The following SVIL variants were observed in gnomAD, a reference collection of about 807,000 sequenced individuals.
SVIL encodes supervillin, also known as archvillin.
Under a neutral mutation model 240.4 loss-of-function variants are expected in SVIL, and 101 were observed. The ratio of observed to expected loss-of-function variants is 0.42; its 90% confidence interval spans 0.36 to 0.50. The LOEUF is 0.50. SVIL is among the 20% of genes least tolerant of loss of function. SVIL has a pLI of 0.01. For synonymous variants in SVIL, 999 were observed against 1,100.0 expected, an observed-to-expected ratio of 0.91 and a Z score of 1.82; for missense variants, 2,512 against 2,818.7, an observed-to-expected ratio of 0.89 and a Z score of 2.46.
chr10:29,537,802 C>G (rs560931698), intron 6 of SVIL, among the ~76,000 whole-genome samples: 2 of 152,346 alleles, frequency 1.3e-5, no homozygotes, highest in East Asian at 3.9e-4. Flanking sequence ...ACCTCTATCT[C>G]GGTCTAGGCT....
In SVIL at chr10:29,481,642, T is replaced by C. The variant is rs1250477285; in HGVS notation, c.5042A>G (p.Asp1681Gly). Residue 1681 changes from aspartate (D) to glycine (G), a missense_variant, in exon 28 of 38, where the codon GAT (aspartate) becomes GGT (glycine). This residue lies in a region of SVIL where 797 missense variants were observed against 925.3 expected (regional missense o/e 0.86). Coordinates refer to ENST00000355867, the MANE Select transcript of SVIL (RefSeq NM_021738.3). ...ATTCGATCTCTTCAGTTCCGTCCAA[T>C]CCAGAAACTTCTCTTTGAACAAAAT... is the stretch of plus-strand genomic sequence containing the variant. The part of the protein sequence containing the change: ...ETILFKEKFL[D>G]WTELKRSNEK... 2 of 1,613,956 alleles carry C rather than the reference T, an allele frequency of 1.2e-6. No individual in the cohort carries two copies. The highest frequency in any genetic ancestry group is 2.2e-5 in the South Asian group (2 of 91,068).
At chr10:29,612,400 T>A (rs1265572851) in intron 1 of SVIL, among the ~76,000 whole-genome samples, 2 of 152,200 alleles carry the variant, frequency 1.3e-5, no homozygotes, top group Non-Finnish European at 2.9e-5. Context: ...ATTCTTTACA[T>A]CATCCATGGT....
intron 6 of SVIL, among the ~76,000 whole-genome samples, chr10:29,546,566 C>T (rs1952707158): frequency 8.1e-6 from 1 of 123,116 alleles, no homozygotes; most frequent in Non-Finnish European, 1.8e-5. Context: ...GTTATTTTGC[C>T]TATAATGCTA....
intron 1 of SVIL, among the ~76,000 whole-genome samples, chr10:29,590,797 G>A (rs186021648): frequency 5.6e-4 from 86 of 152,252 alleles, no homozygotes; most frequent in Non-Finnish European, 9.8e-4. Context: ...AAGAGTATCA[G>A]TTGAAGTACT....
chr10:29,464,051 C>T (rs145549487), intron 34 of SVIL, among the ~76,000 whole-genome samples: 90 of 152,370 alleles, frequency 5.9e-4, no homozygotes, highest in African/African-American at 2.1e-3. Context: ...GCACATCTCA[C>T]TGCAGACAGG....
Position 29,506,635 on chromosome 10 carries a change from A to AC in SVIL, c.3516+6099_3516+6100insG, listed in dbSNP as rs1173878092. ...CCTAGAGGGAGGGGACAGAGGCCCT[A>AC]GAGGGAGGGGACAGAGGCCCTGGAG... On this transcript the variant is annotated intron_variant, in intron 17 of 37. Transcript: ENST00000355867. 3.7e-5 allele frequency among the ~76,000 whole-genome samples: 5 copies of AC among 136,380 alleles called. No homozygotes were observed. In the East Asian group the frequency reaches 1.0e-3, roughly 28 times the overall value. The allele number at this position is 136,380 out of a possible 152,430, so 89.5% of individuals were successfully genotyped here. A position where few individuals can be genotyped will look rare whatever the true frequency, so the allele number is the denominator to read the frequency against.
At chr10:29,610,567 T>C (rs1335918504) in intron 1 of SVIL, among the ~76,000 whole-genome samples, 1 of 151,546 alleles carries the variant, frequency 6.6e-6, no homozygotes, top group African/African-American at 2.4e-5. Context: ...TCTCCAGGCA[T>C]GCTCCACTAT....
chr10:29,624,987 T>G (rs576636235), intron 1 of SVIL, among the ~76,000 whole-genome samples: 2 of 152,106 alleles, frequency 1.3e-5, no homozygotes, highest in Admixed American at 1.3e-4. Context: ...AGTACTAACA[T>G]AAAGGTAGGC....
At chr10:29,697,519 C>A (rs1397843464) in intron 1 of SVIL, among the ~76,000 whole-genome samples, 2 of 88,616 alleles carry the variant, frequency 2.3e-5, no homozygotes, top group Non-Finnish European at 4.2e-5. Context: ...GACCTTACCC[C>A]CAACCCTGTG....
At chr10:29,465,315 C>A (rs1285539523) in intron 34 of SVIL, among the ~76,000 whole-genome samples, 1 of 152,170 alleles carries the variant, frequency 6.6e-6, no homozygotes, top group Non-Finnish European at 1.5e-5. Flanking sequence ...GCGGAGACGC[C>A]AGGCCTGCCG....
chr10:29,689,348 G>T (rs929600248), intron 1 of SVIL, among the ~76,000 whole-genome samples: 8 of 151,940 alleles, frequency 5.3e-5, no homozygotes, highest in Non-Finnish European at 8.8e-5. Flanking sequence ...GCCCTGGCGC[G>T]ATCTCAGCTC....
intron 2 of SVIL, among the ~76,000 whole-genome samples, chr10:29,684,681 G>C (rs1960924671): frequency 2.0e-5 from 3 of 152,126 alleles, no homozygotes; most frequent in Non-Finnish European, 4.4e-5. Flanking sequence ...GTTAAAAGGT[G>C]CTAGACTCTC....
Position 29,530,686 on chromosome 10 carries a change from T to C in SVIL, c.2045-18A>G, listed in dbSNP as rs1160778203. ...TTCTTCATCTGCAAAAAGCCACAAA[T>C]TAAAAACTGGACATCATTAGAGAAG... On this transcript the variant is annotated intron_variant, in intron 10 of 37. Coordinates refer to ENST00000355867, the MANE Select transcript of SVIL (RefSeq NM_021738.3). 4 of 1,613,976 alleles carry C rather than the reference T, an allele frequency of 2.5e-6. No homozygotes were observed. Among genetic ancestry groups the C allele is most frequent in the Admixed American group, 3.3e-5 (2 of 60,020 alleles).
intron 1 of SVIL, among the ~76,000 whole-genome samples, chr10:29,614,612 G>A (rs1271839900): frequency 1.3e-5 from 2 of 152,140 alleles, no homozygotes; most frequent in Non-Finnish European, 2.9e-5. Flanking sequence ...GCTGAACAAT[G>A]AGAACACATG....
intron 1 of SVIL, among the ~76,000 whole-genome samples, chr10:29,612,254 A>T (rs970460724): frequency 6.6e-6 from 1 of 152,232 alleles, no homozygotes; most frequent in East Asian, 1.9e-4. Context: ...GATCCTCAAC[A>T]GCCAACAGAG....
In SVIL at chr10:29,532,917, T is replaced by G. The variant is rs1197417908; in HGVS notation, c.1450A>C (p.Thr484Pro). 2 of 1,614,122 alleles carry G rather than the reference T, an allele frequency of 1.2e-6. No homozygotes were observed. The highest frequency in any genetic ancestry group is 1.7e-6 in the Non-Finnish European group (2 of 1,180,018). The change falls in exon 8 of 38, where the codon ACA becomes CCA. Residue 484 changes from threonine to proline, a missense_variant. Thr to Pro is a conservative substitution (Grantham distance 38). Transcript: ENST00000355867. ...TCCTTCTGATGCTCTAAGGTGACTGTGCTCACAGCAGGCTTACCAAAGTCC... is the reference window on the plus strand; with the variant it reads ...TCCTTCTGATGCTCTAAGGTGACTGGGCTCACAGCAGGCTTACCAAAGTCC... ...NEDFGKPAVS[T>P]VTLEHQKELE...
At chr10:29,698,987 T>C (rs534516661) in intron 1 of SVIL, among the ~76,000 whole-genome samples, 1 of 152,326 alleles carries the variant, frequency 6.6e-6, no homozygotes, top group Admixed American at 6.5e-5. Context: ...CGAATGACAC[T>C]ATAAAACTGT....
chr10:29,596,014 C>T (rs2505926), intron 1 of SVIL, among the ~76,000 whole-genome samples: 2 of 152,074 alleles, frequency 1.3e-5, no homozygotes, highest in Non-Finnish European at 2.9e-5. Flanking sequence ...AATGTCTTTA[C>T]AGTCATGCAT....
chr10:29,591,748 T>C (rs931338828), intron 1 of SVIL, among the ~76,000 whole-genome samples: 2 of 152,194 alleles, frequency 1.3e-5, no homozygotes, highest in African/African-American at 4.8e-5. Context: ...CAGACAGAAC[T>C]CATGCCAGCT....
Sources: gnomAD v4.1 joint callset for allele counts (sites outside exome capture counted in the v4.1 genomes callset) on GRCh38, gnomAD v4.1.1 for gene constraint, gnomAD v4.1.1 regional missense constraint, MANE v1.5 for transcripts, NCBI Gene and HGNC (gene_info 2026-07-23, HGNC 2026-07-21) for gene names.